The following TENM4 variants were observed in gnomAD, a reference collection of about 807,000 sequenced individuals.
The protein encoded by TENM4 is teneurin-4.
A neutral mutation model predicts 243.3 loss-of-function variants in TENM4; 82 were observed. That is an observed-to-expected ratio of 0.34 (90% CI 0.28 to 0.40). The LOEUF (loss-of-function observed/expected upper bound fraction) is 0.40. Ranked by LOEUF, TENM4 falls within the 10% of genes least tolerant of loss-of-function variation. The pLI, the probability that TENM4 is intolerant of heterozygous loss-of-function variation, is 1.00. For missense variants in TENM4, 3,138 were observed against 3,673.3 expected, an observed-to-expected ratio of 0.85 and a Z score of 3.77; for synonymous variants, 1,412 against 1,456.3, an observed-to-expected ratio of 0.97 and a Z score of 0.69.
At chr11:79,430,831 T>G (rs1310466059) in intron 1 of TENM4, among the ~76,000 whole-genome samples, 4 of 152,322 alleles carry the variant, frequency 2.6e-5, no homozygotes, top group African/African-American at 9.6e-5. Flanking sequence ...AATCACCTAC[T>G]ACATGTAGAA....
intron 3 of TENM4, among the ~76,000 whole-genome samples, chr11:79,213,314 C>T (rs1273045966): frequency 6.6e-6 from 1 of 152,176 alleles, no homozygotes; most frequent in Non-Finnish European, 1.5e-5. Flanking sequence ...ATGTGCCAGG[C>T]ATCTTTCCTG....
intron 4 of TENM4, among the ~76,000 whole-genome samples, chr11:79,133,339 C>A (rs116180919): frequency 1.3e-5 from 2 of 151,986 alleles, no homozygotes; most frequent in African/African-American, 2.4e-5. Flanking sequence ...TAACAAGTAG[C>A]GAAACTGCAA....
intron 2 of TENM4, among the ~76,000 whole-genome samples, chr11:79,223,908 T>G (rs663906): frequency 0.87 from 133,029 of 152,190 alleles, 58,431 homozygotes; most frequent in East Asian, 0.99. Context: ...CCAGGTACAC[T>G]GTGAGAATGT....
At chr11:78,914,956 C>T (rs1856281910) in intron 6 of TENM4, among the ~76,000 whole-genome samples, 1 of 152,172 alleles carries the variant, frequency 6.6e-6, no homozygotes, top group Non-Finnish European at 1.5e-5. Flanking sequence ...AGTGAACTCC[C>T]TAAAAGGAAA....
intron 12 of TENM4, among the ~76,000 whole-genome samples, chr11:78,816,179 A>G (rs1392660802): frequency 6.6e-6 from 1 of 152,234 alleles, no homozygotes; most frequent in African/African-American, 2.4e-5. Flanking sequence ...CAGTAAAGAA[A>G]CTAGCCCTGG....
chr11:79,300,851 G>A (rs1408633455), intron 1 of TENM4, among the ~76,000 whole-genome samples: 1 of 152,148 alleles, frequency 6.6e-6, no homozygotes, highest in East Asian at 1.9e-4. Flanking sequence ...CTTGCTTCCA[G>A]CATGTCTAAT....
At chr11:79,284,215 T>C (rs1008151423) in intron 2 of TENM4, among the ~76,000 whole-genome samples, 1 of 152,174 alleles carries the variant, frequency 6.6e-6, no homozygotes, top group Admixed American at 6.5e-5. Context: ...TATCCTGAAC[T>C]TTATATGGAA....
intron 1 of TENM4, among the ~76,000 whole-genome samples, chr11:79,409,188 GCTTCT>G (rs1858646001): frequency 1.3e-5 from 2 of 149,950 alleles, no homozygotes; most frequent in Non-Finnish European, 3.0e-5. Flanking sequence ...TTTGTTGTGA[GCTTCT>G]CTTCCAGAAA....
intron 12 of TENM4, among the ~76,000 whole-genome samples, chr11:78,835,849 G>A (rs1039702479): frequency 8.5e-5 from 13 of 152,154 alleles, no homozygotes; most frequent in Non-Finnish European, 1.8e-4. Flanking sequence ...ATGTCTTTCC[G>A]GACAGACTTG....
intron 12 of TENM4, among the ~76,000 whole-genome samples, chr11:78,816,439 A>AT (rs1434678038): frequency 6.6e-6 from 1 of 152,160 alleles, no homozygotes; most frequent in East Asian, 1.9e-4. Context: ...CCCTGCCTCT[A>AT]TTTTTGTGGC....
rs188560077 is a variant in TENM4 at position 79,027,446 on chromosome 11, T to C, written c.493+37292A>G. On this transcript the variant is annotated intron_variant, in intron 6 of 33. Coordinates refer to ENST00000278550, the MANE Select transcript of TENM4 (RefSeq NM_001098816.3). ...AGATGCTCTTTGAGTCAAAGTCTAG[T>C]AGTTTTTGGCTGAGAGCGATGTAGG... Among the ~76,000 whole-genome samples, 147 of 152,334 alleles carry C rather than the reference T, an allele frequency of 9.6e-4. 1 individual carries two copies. In the South Asian group the frequency reaches 0.014, roughly 15 times the overall value.
At chr11:79,324,692 A>G (rs948816528) in intron 1 of TENM4, among the ~76,000 whole-genome samples, 1 of 152,206 alleles carries the variant, frequency 6.6e-6, no homozygotes, top group Non-Finnish European at 1.5e-5. Flanking sequence ...ATATAGATAT[A>G]TAGAGAAAGA....
chr11:79,432,754 CT>C lies in TENM4; in HGVS notation c.-321+7754del, dbSNP rs144908767. On this transcript the variant is annotated intron_variant, in intron 1 of 33. Coordinates refer to ENST00000278550, the MANE Select transcript of TENM4 (RefSeq NM_001098816.3). ...CAAAGTAGGCCCAGAAAAAGGACCT[CT>C]AAAGGGAAACACTTTGCTAAATTAT... Among the ~76,000 whole-genome samples, 392 of 152,280 alleles carry C rather than the reference CT, an allele frequency of 2.6e-3. 5 individuals are homozygous for C. Among genetic ancestry groups the C allele is most frequent in the African/African-American group, 9.0e-3 (374 of 41,548 alleles).
intron 1 of TENM4, among the ~76,000 whole-genome samples, chr11:79,433,905 G>C (rs1013601735): frequency 1.3e-5 from 2 of 152,166 alleles, no homozygotes; most frequent in Non-Finnish European, 2.9e-5. Flanking sequence ...AACAGAGCGG[G>C]CTCCCTCTGT....
chr11:78,865,554 G>C (rs958786977), intron 9 of TENM4, among the ~76,000 whole-genome samples: 5 of 152,052 alleles, frequency 3.3e-5, no homozygotes, highest in African/African-American at 9.7e-5. Context: ...TCTGTTACCT[G>C]GCCCCAGTGT....
intron 18 of TENM4, among the ~76,000 whole-genome samples, chr11:78,765,011 T>C (rs192088940): frequency 1.1e-3 from 160 of 152,326 alleles, no homozygotes; most frequent in African/African-American, 3.6e-3. Flanking sequence ...GCATGGTTCC[T>C]TAACCTCACA....
chr11:79,158,209 A>G (rs1372468654), intron 3 of TENM4, among the ~76,000 whole-genome samples: 1 of 152,196 alleles, frequency 6.6e-6, no homozygotes, highest in South Asian at 2.1e-4. Context: ...CTTTTGTAAC[A>G]TTTCCACAAA....
intron 6 of TENM4, among the ~76,000 whole-genome samples, chr11:78,952,651 C>T (rs1049771259): frequency 6.6e-6 from 1 of 152,340 alleles, no homozygotes; most frequent in South Asian, 2.1e-4. Context: ...CCGGTGATCA[C>T]AACTTTAGTT....
intron 12 of TENM4, among the ~76,000 whole-genome samples, chr11:78,849,415 T>C (rs946789191): frequency 1.3e-5 from 2 of 152,332 alleles, no homozygotes; most frequent in South Asian, 2.1e-4. Context: ...TGTGGTATTG[T>C]GGGGACCTTA....
Sources: allele counts gnomAD v4.1 joint callset (sites outside exome capture counted in the v4.1 genomes callset), GRCh38; gene constraint gnomAD v4.1.1; transcripts MANE v1.5; gene names NCBI Gene and HGNC (gene_info 2026-07-23, HGNC 2026-07-21).